ADGRL3: variants seen among roughly 807,000 people sequenced by gnomAD.
The protein encoded by ADGRL3 is calcium-independent alpha-latrotoxin receptor 3.
A neutral mutation model predicts 153.5 loss-of-function variants in ADGRL3; 62 were observed. The ratio of observed to expected loss-of-function variants is 0.40; its 90% CI spans 0.33 to 0.50. The LOEUF (loss-of-function observed/expected upper bound fraction) is 0.50, where lower values mean the gene tolerates loss of function less well. Among genes scored for constraint, ADGRL3 ranks in the 20% least tolerant of loss-of-function variants. The probability of loss-of-function intolerance (pLI) is 0.47; values close to 1 mark genes in which losing one functional copy is unlikely to be tolerated. For synonymous variants in ADGRL3, 710 were observed against 672.5 expected, an observed-to-expected ratio of 1.06 and a Z score of -0.86; for missense variants, 1,641 against 1,859.4, an observed-to-expected ratio of 0.88 and a Z score of 2.16.
At chr4:61,952,453 T>A (rs2098950490) in intron 17 of ADGRL3, among the ~76,000 whole-genome samples, 2 of 146,918 alleles carry the variant, frequency 1.4e-5, no homozygotes, top group Admixed American at 1.4e-4. Flanking sequence ...CACTATAGTC[T>A]GGGCAACAGA....
Position 62,044,456 on chromosome 4 carries a change from C to T in ADGRL3, c.3721C>T (p.Arg1241Ter). 1.9e-6 allele frequency: 3 copies of T among 1,584,860 alleles called. No homozygotes were observed. The highest frequency in any genetic ancestry group is 4.6e-5 in the East Asian group (2 of 43,384). ...TTCTGCCTTTTCCCCCACCCAGAGC[C>T]GAATCCGTAGAATGTGGAATGACAC... ...PGRYSTGSQSRIRRMWNDTVR... is the reference protein window; with the variant it reads ...PGRYSTGSQS Residue 1241 changes from arginine to a stop codon, truncating the protein, a stop_gained, in exon 25 of 27, where the codon CGA (arginine) becomes TGA (stop). Transcript: ENST00000683033. LOFTEE classifies it high-confidence loss of function.
chr4:61,395,911 C>G (rs971189265), intron 2 of ADGRL3, among the ~76,000 whole-genome samples: 2 of 151,622 alleles, frequency 1.3e-5, no homozygotes, highest in Non-Finnish European at 3.0e-5. Context: ...ATTTGTTATC[C>G]CACCTGTTGA....
chr4:61,496,358 A>G (rs1456127084), intron 2 of ADGRL3, among the ~76,000 whole-genome samples: 1 of 152,168 alleles, frequency 6.6e-6, no homozygotes, highest in African/African-American at 2.4e-5. Context: ...AAGCTTTACC[A>G]TGGTATAATA....
chr4:61,465,212 G>T (rs2097864672), intron 2 of ADGRL3, among the ~76,000 whole-genome samples: 1 of 152,094 alleles, frequency 6.6e-6, no homozygotes. Flanking sequence ...TAGTTTATAA[G>T]CATAGACGTA....
At chr4:61,919,766 C>T (rs2098760131) in intron 13 of ADGRL3, among the ~76,000 whole-genome samples, 2 of 152,152 alleles carry the variant, frequency 1.3e-5, no homozygotes, top group South Asian at 2.1e-4. Flanking sequence ...GTGGAAAGAA[C>T]ATCATTCTGG....
intron 1 of ADGRL3, among the ~76,000 whole-genome samples, chr4:61,364,207 C>A (rs748734455): frequency 6.6e-6 from 1 of 151,776 alleles, no homozygotes; most frequent in South Asian, 2.1e-4. Flanking sequence ...GTGGTGCACA[C>A]CTGTAGTCCC....
At chr4:61,446,956 G>T (rs1458416876) in intron 2 of ADGRL3, among the ~76,000 whole-genome samples, 1 of 152,058 alleles carries the variant, frequency 6.6e-6, no homozygotes, top group African/African-American at 2.4e-5. Context: ...CCCCCTACTT[G>T]TATGCATACC....
chr4:61,729,181 A>G (rs894241739), intron 6 of ADGRL3, among the ~76,000 whole-genome samples: 34 of 151,946 alleles, frequency 2.2e-4, no homozygotes, highest in Non-Finnish European at 7.4e-5. Context: ...ACAAACCTGT[A>G]CATGTACCCC....
chr4:62,010,128 A>C lies in ADGRL3; in HGVS notation c.3395+11863A>C, dbSNP rs184898749. Among the ~76,000 whole-genome samples the C allele has an allele frequency of 2.1e-3, 327 of 152,240 alleles. 1 individual carries two copies. The highest frequency in any genetic ancestry group is 2.6e-3 in the Non-Finnish European group (177 of 68,020). On this transcript the variant is annotated intron_variant, in intron 21 of 26. Coordinates refer to ENST00000683033, the MANE Select transcript of ADGRL3 (RefSeq NM_001387552.1). ...CTTTGGAAGTTTTCATGGAGGTTTT[A>C]TCACATAGGCATGATTGATTCAACA...
chr4:61,205,000 G>T (rs567365415), intron 1 of ADGRL3, among the ~76,000 whole-genome samples: 1 of 152,134 alleles, frequency 6.6e-6, no homozygotes, highest in African/African-American at 2.4e-5. Context: ...ATAATAGCAA[G>T]TATGGCACTT....
intron 1 of ADGRL3, among the ~76,000 whole-genome samples, chr4:61,246,563 C>T (rs1757173649): frequency 6.6e-6 from 1 of 151,844 alleles, no homozygotes; most frequent in African/African-American, 2.4e-5. Context: ...GCAATATTGG[C>T]TTTGAAGACA....
In ADGRL3 at chr4:62,044,323, T is replaced by C. The variant is rs924280955; in HGVS notation, c.3718-130T>C. 9 of 651,302 alleles carry C rather than the reference T, an allele frequency of 1.4e-5. No homozygotes were observed. The African/African-American group carries it at 1.5e-4, about 11-fold the overall frequency. The allele number at this position is 651,302 out of a possible 1,614,324, so 40.3% of individuals were successfully genotyped here. A position where few individuals can be genotyped will look rare whatever the true frequency, so the allele number is the denominator to read the frequency against. On this transcript the variant is annotated intron_variant, in intron 24 of 26. Transcript: ENST00000683033. ...TTCTCATGCTACTGTACTGCAAACA[T>C]GTAGTTGTCTATTTGCCAAATGCTA...
At chr4:61,974,559 A>G (rs959036816) in intron 17 of ADGRL3, among the ~76,000 whole-genome samples, 2 of 152,158 alleles carry the variant, frequency 1.3e-5, no homozygotes, top group African/African-American at 4.8e-5. Flanking sequence ...TTGCTTTCAC[A>G]TATATTATGT....
intron 4 of ADGRL3, among the ~76,000 whole-genome samples, chr4:61,567,551 T>A (rs1038858755): frequency 6.6e-6 from 1 of 152,138 alleles, no homozygotes; most frequent in African/African-American, 2.4e-5. Flanking sequence ...AGACACCATA[T>A]CTGTCAACAC....
intron 1 of ADGRL3, among the ~76,000 whole-genome samples, chr4:61,325,808 A>G (rs957209417): frequency 3.3e-5 from 5 of 152,208 alleles, no homozygotes; most frequent in Non-Finnish European, 7.3e-5. Flanking sequence ...AACTAAAGGT[A>G]TTAAGTAACT....
intron 9 of ADGRL3, among the ~76,000 whole-genome samples, chr4:61,837,415 G>A (rs1487589955): frequency 6.6e-6 from 1 of 152,110 alleles, no homozygotes; most frequent in African/African-American, 2.4e-5. Flanking sequence ...TTGGGGAAAG[G>A]GAGAGGGGAG....
intron 8 of ADGRL3, among the ~76,000 whole-genome samples, chr4:61,806,311 A>C (rs555929061): frequency 6.6e-6 from 1 of 152,192 alleles, no homozygotes; most frequent in African/African-American, 2.4e-5. Context: ...CAAATGTTAA[A>C]ATATTTTAGA....
At chr4:62,023,421 G>A (rs1008178673) in intron 21 of ADGRL3, among the ~76,000 whole-genome samples, 7 of 152,236 alleles carry the variant, frequency 4.6e-5, no homozygotes, top group Admixed American at 6.5e-5. Context: ...TACATATTTC[G>A]TTGAGAAAGC....
At chr4:62,005,383 C>A (rs79643679) in intron 21 of ADGRL3, among the ~76,000 whole-genome samples, 3,414 of 152,126 alleles carry the variant, frequency 0.022, 132 homozygotes, top group African/African-American at 0.079. Flanking sequence ...TTTGAGAAAA[C>A]TGGTTTGAAG....
Sources: gnomAD v4.1 joint callset for allele counts (sites outside exome capture counted in the v4.1 genomes callset) on GRCh38, gnomAD v4.1.1 for gene constraint, MANE v1.5 for transcripts, NCBI Gene and HGNC (gene_info 2026-07-23, HGNC 2026-07-21) for gene names.